Variants in LRRC4C observed in about 807,000 individuals in gnomAD.
LRRC4C encodes leucine-rich repeat-containing protein 4C.
In LRRC4C, 5 loss-of-function variants were observed where a neutral mutation model predicts 33.6. The ratio of observed to expected loss-of-function variants is 0.15; its 90% confidence interval spans 0.08 to 0.31. The LOEUF (loss-of-function observed/expected upper bound fraction) is 0.31. LRRC4C is among the 10% of genes least tolerant of loss of function. The pLI is 1.00. For missense variants in LRRC4C, 560 were observed against 796.7 expected (o/e 0.70, Z 3.58); for synonymous variants, 329 against 302.0 (o/e 1.09, Z -0.93).
intron 1 of LRRC4C, among the ~76,000 whole-genome samples, chr11:41,189,898 G>A (rs898767188): frequency 6.6e-6 from 1 of 152,116 alleles, no homozygotes; most frequent in African/African-American, 2.4e-5. Context: ...CCACACTGAC[G>A]TGCCTTTATT....
intron 1 of LRRC4C, among the ~76,000 whole-genome samples, chr11:41,211,664 A>C (rs1407595910): frequency 6.6e-6 from 1 of 152,132 alleles, no homozygotes; most frequent in Non-Finnish European, 1.5e-5. Context: ...TGAAGTCATC[A>C]TTTTATTATG....
intron 1 of LRRC4C, among the ~76,000 whole-genome samples, chr11:41,319,569 A>G (rs1292321151): frequency 1.3e-5 from 2 of 152,168 alleles, no homozygotes; most frequent in Non-Finnish European, 2.9e-5. Context: ...TTGAGACAAG[A>G]TCTCACTCTG....
At chr11:40,892,701 T>G (rs1029643090) in intron 2 of LRRC4C, among the ~76,000 whole-genome samples, 1 of 152,170 alleles carries the variant, frequency 6.6e-6, no homozygotes, top group Admixed American at 6.6e-5. Flanking sequence ...AAAACAAATA[T>G]TGTTTTGCTT....
intron 2 of LRRC4C, among the ~76,000 whole-genome samples, chr11:40,914,635 C>T (rs886349746): frequency 6.6e-6 from 1 of 152,170 alleles, no homozygotes; most frequent in African/African-American, 2.4e-5. Flanking sequence ...TGACAACTGG[C>T]ACAAGACAGG....
chr11:40,556,588 T>C (rs1957341688), intron 3 of LRRC4C, among the ~76,000 whole-genome samples: 1 of 152,186 alleles, frequency 6.6e-6, no homozygotes, highest in Non-Finnish European at 1.5e-5. Flanking sequence ...CTGCTACAGA[T>C]TGTAAATCAC....
chr11:41,287,149 A>G (rs938806667), intron 1 of LRRC4C, among the ~76,000 whole-genome samples: 1 of 152,236 alleles, frequency 6.6e-6, no homozygotes, highest in African/African-American at 2.4e-5. Flanking sequence ...AATTTTCATT[A>G]ATATAAGCCA....
chr11:40,559,814 T>C (rs1438239163), intron 3 of LRRC4C, among the ~76,000 whole-genome samples: 1 of 152,206 alleles, frequency 6.6e-6, no homozygotes, highest in Non-Finnish European at 1.5e-5. Context: ...ATTTCTCTAA[T>C]GATCGGTGAT....
intron 4 of LRRC4C, among the ~76,000 whole-genome samples, chr11:40,290,180 T>C (rs1944098450): frequency 6.6e-6 from 1 of 152,234 alleles, no homozygotes; most frequent in Non-Finnish European, 1.5e-5. Context: ...CCTCTTACTT[T>C]CTTTGTCATT....
chr11:40,642,763 A>G (rs1367996961), intron 3 of LRRC4C, among the ~76,000 whole-genome samples: 1 of 152,176 alleles, frequency 6.6e-6, no homozygotes, highest in Non-Finnish European at 1.5e-5. Context: ...TATCTCTTTA[A>G]GATGGTTTTG....
intron 4 of LRRC4C, among the ~76,000 whole-genome samples, chr11:40,302,202 G>C (rs971586252): frequency 7.2e-5 from 11 of 152,188 alleles, no homozygotes; most frequent in African/African-American, 2.7e-4. Context: ...TGTTACGTGA[G>C]TGAGTGTTTG....
intron 2 of LRRC4C, among the ~76,000 whole-genome samples, chr11:40,716,313 TATAA>T (rs1353836440): frequency 6.6e-6 from 1 of 152,158 alleles, no homozygotes; most frequent in Non-Finnish European, 1.5e-5. Context: ...TTACACATGT[TATAA>T]ATATTCTTTT....
At chr11:41,451,110 A>G (rs560837173) in intron 1 of LRRC4C, among the ~76,000 whole-genome samples, 44 of 152,288 alleles carry the variant, frequency 2.9e-4, no homozygotes, top group African/African-American at 1.0e-3. Flanking sequence ...GCTCCACATC[A>G]TAACTGTGAT....
At chr11:41,255,403 G>A (rs893323961) in intron 1 of LRRC4C, among the ~76,000 whole-genome samples, 1 of 151,974 alleles carries the variant, frequency 6.6e-6, no homozygotes, top group Non-Finnish European at 1.5e-5. Flanking sequence ...AGATTTTAAA[G>A]GGAATGACCC....
intron 5 of LRRC4C, among the ~76,000 whole-genome samples, chr11:40,201,910 A>G (rs1467777514): frequency 6.6e-6 from 1 of 152,174 alleles, no homozygotes; most frequent in Non-Finnish European, 1.5e-5. Context: ...TTTGAATCAC[A>G]CCTTACATTT....
intron 2 of LRRC4C, among the ~76,000 whole-genome samples, chr11:40,804,841 T>A (rs766087418): frequency 6.6e-6 from 1 of 152,202 alleles, no homozygotes; most frequent in Non-Finnish European, 1.5e-5. Context: ...AAATAATTAG[T>A]ACTCCATTGC....
intron 2 of LRRC4C, among the ~76,000 whole-genome samples, chr11:40,821,206 T>A (rs1951913813): frequency 6.6e-6 from 1 of 151,704 alleles, no homozygotes; most frequent in Non-Finnish European, 1.5e-5. Context: ...ACAATAATTT[T>A]AAAATGGCAA....
Position 41,320,860 on chromosome 11 carries a change from A to T in LRRC4C, c.-496+138571T>A, listed in dbSNP as rs973250406. ...AGAATCTACCTCCCAACACATTCAG[A>T]TTGTTGGCAGAATTCAGTTCTCTGT... On this transcript the variant is annotated intron_variant, in intron 1 of 6. Coordinates refer to ENST00000528697, the MANE Select transcript of LRRC4C (RefSeq NM_001258419.2). Among the ~76,000 whole-genome samples, 2 of 152,116 alleles carry T rather than the reference A, an allele frequency of 1.3e-5. 1 individual carries two copies. Among genetic ancestry groups the T allele is most frequent in the South Asian group, 4.1e-4 (2 of 4,828 alleles).
At chr11:41,324,001 G>T (rs1020986459) in intron 1 of LRRC4C, among the ~76,000 whole-genome samples, 19 of 152,060 alleles carry the variant, frequency 1.2e-4, no homozygotes, top group African/African-American at 4.3e-4. Flanking sequence ...TTAAAATATT[G>T]TTTTTTAAAC....
rs145889477 is a variant in LRRC4C, at chr11:40,720,868, T to A, written c.-406-72590A>T. On this transcript the variant is annotated intron_variant, in intron 2 of 6. Transcript: ENST00000528697. ...TATAATCACGTTTTCAGAGGTGAGATTTCAAATGATACAAGCAGGATTTAT... is the reference window on the plus strand; with the variant it reads ...TATAATCACGTTTTCAGAGGTGAGAATTCAAATGATACAAGCAGGATTTAT... 3.2e-3 allele frequency among the ~76,000 whole-genome samples: 484 copies of A among 152,268 alleles called. 2 individuals are homozygous for A. Among genetic ancestry groups the A allele is most frequent in the South Asian group, 8.3e-3 (40 of 4,822 alleles).
Sources: allele counts gnomAD v4.1 joint callset (sites outside exome capture counted in the v4.1 genomes callset), GRCh38; gene constraint gnomAD v4.1.1; transcripts MANE v1.5; gene names NCBI Gene and HGNC (gene_info 2026-07-23, HGNC 2026-07-21).